Variants in WDR86 observed in about 807,000 individuals in gnomAD.
WDR86 encodes WD repeat-containing protein 86.
A neutral mutation model predicts 36.5 loss-of-function variants in WDR86; 30 were observed. The observed-to-expected ratio is 0.82, with a 90% confidence interval of 0.61 to 1.11. WDR86 has a LOEUF of 1.11. WDR86 is among the 50% of genes most tolerant of loss of function. The probability of loss-of-function intolerance (pLI) is 0.00; values close to 1 mark genes in which losing one functional copy is unlikely to be tolerated. For synonymous variants in WDR86, 255 were observed against 252.9 expected (o/e 1.01, Z -0.08); for missense variants, 545 against 561.2 (o/e 0.97, Z 0.29).
intron 3 of WDR86, among the ~76,000 whole-genome samples, chr7:151,386,905 T>G (rs1217277424): frequency 6.6e-6 from 1 of 152,200 alleles, no homozygotes; most frequent in East Asian, 1.9e-4. Flanking sequence ...AAGTCCTCCC[T>G]GCCCAGAAAG....
rs752742859 is a variant in WDR86, at chr7:151,381,408, C to T, written c.*174G>A. 3.0e-5 allele frequency: 44 copies of T among 1,481,448 alleles called. 1 individual carries two copies. The highest frequency in any genetic ancestry group is 2.0e-4 in the South Asian group (16 of 78,446). The allele number at this position is 1,481,448 out of a possible 1,614,324, so 91.8% of individuals were successfully genotyped here. On this transcript the variant is annotated 3_prime_UTR_variant, in exon 6 of 6. Coordinates refer to ENST00000334493, the MANE Select transcript of WDR86 (RefSeq NM_198285.3). The surrounding 1 kb of genome is among the most constrained non-coding windows in gnomAD (Gnocchi z 4.8). ...CCAGGGCGAGCACTCCCGCTCCCAG[C>T]GCCTCCTGGCCACCAAAGAAAAACC...
Position 151,381,554 on chromosome 7 carries a change from G to A in WDR86, c.*28C>T, listed in dbSNP as rs1479885877. On this transcript the variant is annotated 3_prime_UTR_variant, in exon 6 of 6. Transcript: ENST00000334493. The surrounding 1 kb of genome is among the most constrained non-coding windows in gnomAD (Gnocchi z 4.8). ...CGCTCTGGGAGCCGCTGGGTGTCTGGGCTGGCGTCTGCAGGGGCCCCGCGG... is the reference window on the plus strand; with the variant it reads ...CGCTCTGGGAGCCGCTGGGTGTCTGAGCTGGCGTCTGCAGGGGCCCCGCGG... 1.4e-6 allele frequency: 2 copies of A among 1,384,850 alleles called. No individual in the cohort carries two copies. Among genetic ancestry groups the A allele is most frequent in the Non-Finnish European group, 1.8e-6 (2 of 1,081,264 alleles). The allele number at this position is 1,384,850 out of a possible 1,614,324, so 85.8% of individuals were successfully genotyped here.
rs1196487612 is a variant in WDR86, at chr7:151,381,325, AG to A, written c.*256del. On this transcript the variant is annotated 3_prime_UTR_variant, in exon 6 of 6. Coordinates refer to ENST00000334493, the MANE Select transcript of WDR86 (RefSeq NM_198285.3). The surrounding 1 kb of genome is among the most constrained non-coding windows in gnomAD (Gnocchi z 4.8). ...GGTCCCCAGGACTAGGCCTTTCGCC[AG>A]GTCAGGGATGGGGAGGGAGGACAGG... 6 of 1,354,450 alleles carry A rather than the reference AG, an allele frequency of 4.4e-6. No homozygotes were observed. The highest frequency in any genetic ancestry group is 8.0e-5 in the Admixed American group (2 of 24,938). The allele number at this position is 1,354,450 out of a possible 1,614,324, so 83.9% of individuals were successfully genotyped here.
chr7:151,385,088 A>G lies in WDR86; in HGVS notation c.862T>C (p.Leu288=), dbSNP rs1025835216. ...GGTCGTGCAGGGCCAAGTCACTTAC[A>G]GGTGCCCGCGTGGTACTTGAGGGCG... ...VSALKYHAGT[L]FTGSGDACAR... is the part of the protein sequence containing the mutation. Residue 288 remains leucine, a splice_region_variant and synonymous_variant, in exon 4 of 6, where the codon TTG becomes CTG. Coordinates refer to ENST00000334493, the MANE Select transcript of WDR86 (RefSeq NM_198285.3). The G allele has an allele frequency of 6.3e-7, 1 of 1,596,516 alleles. No homozygotes were observed.
At chr7:151,375,613 T>G (rs896408756), downstream of WDR86, among the ~76,000 whole-genome samples, 4 of 152,232 alleles carry the variant, frequency 2.6e-5, no homozygotes, top group African/African-American at 4.8e-5. Flanking sequence ...CATCCCTTCC[T>G]GCTCTAACAG....
intron 2 of WDR86, among the ~76,000 whole-genome samples, chr7:151,397,220 C>T (rs752293014): frequency 6.6e-6 from 1 of 152,164 alleles, no homozygotes. Context: ...CCCGTCCTCC[C>T]GCGAAGGGCT....
chr7:151,400,418 T>C (rs1800200784), intron 1 of WDR86, among the ~76,000 whole-genome samples, 177 bp from the exon 2 acceptor site: 1 of 152,200 alleles, frequency 6.6e-6, no homozygotes, highest in Admixed American at 6.5e-5. Flanking sequence ...AGTCTCACTC[T>C]GTCACAAGGC....
rs138669518 is a variant in WDR86, at chr7:151,400,156, G to T, written c.249C>A (p.Asp83Glu). Residue 83 changes from aspartate to glutamate, a missense_variant, in exon 2 of 6, where the codon GAC becomes GAA. Asp to Glu is a conservative substitution (Grantham distance 45). Coordinates refer to ENST00000334493, the MANE Select transcript of WDR86 (RefSeq NM_198285.3). ...CCTGCAGACACTGCCCGGTCAGCAC[G>T]TCCCACCTCCTGATGGTGCAGTCGG... ...CSADCTIRRWDVLTGQCLQVY... is the reference protein window; with the variant it reads ...CSADCTIRRWEVLTGQCLQVY... 3 of 1,612,402 alleles carry T rather than the reference G, an allele frequency of 1.9e-6. No homozygotes were observed. The East Asian group carries it at 6.7e-5, about 36-fold the overall frequency.
intron 3 of WDR86, among the ~76,000 whole-genome samples, chr7:151,394,860 C>T (rs758366346): frequency 6.6e-6 from 1 of 152,228 alleles, no homozygotes; most frequent in Non-Finnish European, 1.5e-5. Flanking sequence ...CCCCAGGCAC[C>T]GGGATGTTCG....
At chr7:151,403,804 C>T (rs900141404) in intron 1 of WDR86, among the ~76,000 whole-genome samples, 1 of 152,168 alleles carries the variant, frequency 6.6e-6, no homozygotes, top group Admixed American at 6.5e-5. Flanking sequence ...CAGATCCGTC[C>T]CACCCTCCCT....
In WDR86 at chr7:151,395,862, C is replaced by A; in HGVS notation, c.640G>T (p.Asp214Tyr). ...PGHTAFTGST[D>Y]ATIRAWDILS... ...ATGTCCCAGGCACGGATGGTGGCGT[C>A]GGTGCTGCCTGTGAAGGCCGTGTGG... The change falls in exon 3 of 6, where the codon GAC (aspartate) becomes TAC (tyrosine). Residue 214 changes from aspartate (D) to tyrosine (Y), a missense_variant. By Grantham distance (160) the Asp-to-Tyr change is radical. Transcript: ENST00000334493. The A allele has an allele frequency of 6.3e-7, 1 of 1,595,468 alleles. No homozygotes were observed. Among genetic ancestry groups the A allele is most frequent in the East Asian group, 2.3e-5 (1 of 43,946 alleles).
intron 1 of WDR86, among the ~76,000 whole-genome samples, chr7:151,403,158 C>T (rs149286033): frequency 1.3e-5 from 2 of 150,754 alleles, no homozygotes; most frequent in African/African-American, 4.9e-5. Context: ...GCAGGGAAGC[C>T]AAATTTTGCT....
In WDR86 at chr7:151,381,156, C is replaced by A; in HGVS notation, c.*426G>T. On this transcript the variant is annotated 3_prime_UTR_variant, in exon 6 of 6. Transcript: ENST00000334493. This position sits in a 1 kb window ranked among gnomAD's most constrained non-coding sequence, Gnocchi z 4.8. ...GTTCAGGCTGTATATTTCAGTTCCC[C>A]CCAAGGCCCTCGAGACGGACGATTT... The A allele has an allele frequency of 8.0e-7, 1 of 1,249,204 alleles. No individual in the cohort carries two copies. Among genetic ancestry groups the A allele is most frequent in the Non-Finnish European group, 1.0e-6 (1 of 999,468 alleles). The allele number at this position is 1,249,204 out of a possible 1,614,324, so 77.4% of individuals were successfully genotyped here.
rs560886471 is a variant in WDR86, at chr7:151,405,764, G to T, written c.163+3663C>A. 6.6e-6 allele frequency among the ~76,000 whole-genome samples: 1 copy of T among 152,120 alleles called. No individual in the cohort carries two copies. The highest frequency in any genetic ancestry group is 2.4e-5 in the African/African-American group (1 of 41,408). ...CAGTCTTCTGGGCCACTGCTCTCCC[G>T]CCAGGCTTCACAGGGAGTCTCCTAT... On this transcript the variant is annotated intron_variant, in intron 1 of 5. Coordinates refer to ENST00000334493, the MANE Select transcript of WDR86 (RefSeq NM_198285.3). The surrounding 1 kb of genome is among the most constrained non-coding windows in gnomAD (Gnocchi z 4.7).
rs1026584603 is a variant in WDR86 at position 151,407,957 on chromosome 7, C to G, written c.163+1470G>C. 9.2e-5 allele frequency among the ~76,000 whole-genome samples: 14 copies of G among 152,250 alleles called. No individual in the cohort carries two copies. The South Asian group carries it at 2.7e-3, about 29-fold the overall frequency. On this transcript the variant is annotated intron_variant, in intron 1 of 5. Coordinates refer to ENST00000334493, the MANE Select transcript of WDR86 (RefSeq NM_198285.3). Reference sequence around the variant, plus strand: ...TGAAACACCACCCACCCCTCTACCCCCAAGACAGTCTTATGTTTGGGAGCA... The same window carrying G: ...TGAAACACCACCCACCCCTCTACCCGCAAGACAGTCTTATGTTTGGGAGCA...
upstream of WDR86, chr7:151,410,699 C>T (rs1801145498): frequency 6.5e-6 from 1 of 152,762 alleles, no homozygotes; most frequent in African/African-American, 2.4e-5. Context: ...TAGGGCAGTT[C>T]CGGCGCCGAC....
intron 4 of WDR86, among the ~76,000 whole-genome samples, chr7:151,383,182 G>T (rs186933543): frequency 2.0e-4 from 30 of 150,706 alleles, no homozygotes; most frequent in African/African-American, 3.4e-4. Context: ...GCGGGGTGGG[G>T]GGGGGGAGCT....
intron 2 of WDR86, among the ~76,000 whole-genome samples, chr7:151,397,034 G>C (rs918536298): frequency 6.6e-6 from 1 of 152,236 alleles, no homozygotes; most frequent in African/African-American, 2.4e-5. Flanking sequence ...TTTGTCTTTA[G>C]TGCAGAGCTT....
chr7:151,400,233 T>C lies in WDR86; in HGVS notation c.172A>G (p.Ser58Gly). ...TCCAGCTGGCAGAAGGTCACATAGC[T>C]TTCATGTCCTGCAGATGAGGGACAG... ...QCCALLQGHE[S>G]YVTFCQLEDE... The change falls in exon 2 of 6, where the codon AGC becomes GGC. Residue 58 changes from serine to glycine, a missense_variant. Transcript: ENST00000334493. 1 of 1,607,264 alleles carries C rather than the reference T, an allele frequency of 6.2e-7. No homozygotes were observed.
Sources: gnomAD v4.1 joint callset for allele counts (sites outside exome capture counted in the v4.1 genomes callset) on GRCh38, gnomAD v4.1.1 for gene constraint, Gnocchi (gnomAD v3.1) non-coding constraint, MANE v1.5 for transcripts, NCBI Gene and HGNC (gene_info 2026-07-23, HGNC 2026-07-21) for gene names.